Variants in MACROD2 observed in about 807,000 individuals in gnomAD.
MACROD2 encodes the protein mono-ADP ribosylhydrolase 2.
Under a neutral mutation model 70.4 loss-of-function variants are expected in MACROD2, and 36 were observed. The ratio of observed to expected loss-of-function variants is 0.51; its 90% CI spans 0.39 to 0.68. The LOEUF (loss-of-function observed/expected upper bound fraction) is 0.68. Ranked by LOEUF, MACROD2 falls within the 30% of genes least tolerant of loss-of-function variation. MACROD2 has a pLI of 0.00. For synonymous variants in MACROD2, 172 were observed against 178.8 expected, an observed-to-expected ratio of 0.96 and a Z score of 0.30; for missense variants, 496 against 538.4, an observed-to-expected ratio of 0.92 and a Z score of 0.78.
At chr20:14,230,668 CCTATATA>C in intron 3 of MACROD2, among the ~76,000 whole-genome samples, 1 of 6,958 alleles carries the variant, frequency 1.4e-4, no homozygotes, top group Non-Finnish European at 2.7e-4. Flanking sequence ...ACAGGCTGGG[CCTATATA>C]TATATATATA....
At chr20:15,450,928 T>G (rs779692078) in intron 7 of MACROD2, among the ~76,000 whole-genome samples, 4 of 152,100 alleles carry the variant, frequency 2.6e-5, no homozygotes, top group African/African-American at 4.8e-5. Context: ...TCCATCTCAC[T>G]CAGATTTGGA....
At chr20:14,595,199 G>A (rs1982041802) in intron 4 of MACROD2, among the ~76,000 whole-genome samples, 1 of 152,092 alleles carries the variant, frequency 6.6e-6, no homozygotes, top group Non-Finnish European at 1.5e-5. Flanking sequence ...CCTTAGTTCA[G>A]CTAAAAGCCC....
At chr20:14,637,724 C>T (rs569305324) in intron 4 of MACROD2, among the ~76,000 whole-genome samples, 1 of 152,298 alleles carries the variant, frequency 6.6e-6, no homozygotes, top group Non-Finnish European at 1.5e-5. Flanking sequence ...TGCTCAAACC[C>T]ACTGAGGTGA....
At chr20:15,570,740 T>G (rs1350391019) in intron 8 of MACROD2, among the ~76,000 whole-genome samples, 1 of 152,182 alleles carries the variant, frequency 6.6e-6, no homozygotes, top group Non-Finnish European at 1.5e-5. Context: ...CTTTCTTGCA[T>G]CCTCAAAAAT....
chr20:14,675,805 T>A (rs965967609), intron 4 of MACROD2, among the ~76,000 whole-genome samples: 3 of 152,034 alleles, frequency 2.0e-5, no homozygotes, highest in Middle Eastern at 3.4e-3. Flanking sequence ...AGGAGACCCA[T>A]CTCATGTGCA....
chr20:14,278,156 G>C (rs1468688901), intron 3 of MACROD2, among the ~76,000 whole-genome samples: 1 of 152,200 alleles, frequency 6.6e-6, no homozygotes, highest in African/African-American at 2.4e-5. Flanking sequence ...TTTATTAGCT[G>C]CTTGTTTACT....
intron 5 of MACROD2, among the ~76,000 whole-genome samples, chr20:15,126,811 GAATTAACTTGTA>G (rs1316071008): frequency 6.6e-6 from 1 of 152,028 alleles, no homozygotes; most frequent in Non-Finnish European, 1.5e-5. Flanking sequence ...GGACTTCTGT[GAATTAACTTGTA>G]AAATAAAAGG....
intron 4 of MACROD2, among the ~76,000 whole-genome samples, chr20:14,600,170 T>C (rs1337019548): frequency 6.6e-6 from 1 of 152,082 alleles, no homozygotes; most frequent in Non-Finnish European, 1.5e-5. Flanking sequence ...AAACTGGATG[T>C]GACTAATCGG....
At chr20:15,807,064 C>T (rs369956546) in intron 8 of MACROD2, among the ~76,000 whole-genome samples, 5 of 152,082 alleles carry the variant, frequency 3.3e-5, no homozygotes, top group Non-Finnish European at 4.4e-5. Flanking sequence ...TTTAATATTC[C>T]GTCCATACAA....
intron 3 of MACROD2, among the ~76,000 whole-genome samples, chr20:14,422,652 T>C (rs983848497): frequency 3.3e-5 from 5 of 152,202 alleles, no homozygotes; most frequent in African/African-American, 1.2e-4. Context: ...TGGATACTAG[T>C]TAAACTTTGG....
chr20:14,938,431 C>A (rs538255438), intron 5 of MACROD2, among the ~76,000 whole-genome samples: 2 of 152,108 alleles, frequency 1.3e-5, no homozygotes, highest in African/African-American at 4.8e-5. Context: ...ATTTTTATTT[C>A]TCTGATGATT....
At chr20:14,135,636 A>T (rs1601263064) in intron 3 of MACROD2, among the ~76,000 whole-genome samples, 1 of 152,196 alleles carries the variant, frequency 6.6e-6, no homozygotes, top group Admixed American at 6.5e-5. Flanking sequence ...TGATTGCATC[A>T]CTACACTCCA....
At chr20:15,564,599 A>G (rs1215141018) in intron 8 of MACROD2, among the ~76,000 whole-genome samples, 3 of 152,206 alleles carry the variant, frequency 2.0e-5, no homozygotes, top group Non-Finnish European at 2.9e-5. Context: ...AGACTAACAC[A>G]TAAGGAATGC....
chr20:15,435,163 A>T (rs184659677), intron 7 of MACROD2, among the ~76,000 whole-genome samples: 184 of 152,264 alleles, frequency 1.2e-3, no homozygotes, highest in Admixed American at 2.9e-3. Context: ...TACCCCCAAA[A>T]ATGTTGAAAT....
chr20:14,382,527 G>A (rs1007891526), intron 3 of MACROD2, among the ~76,000 whole-genome samples: 2 of 151,938 alleles, frequency 1.3e-5, no homozygotes, highest in African/African-American at 4.8e-5. Context: ...AATTAGCGGG[G>A]CGTGGTGGTT....
chr20:14,046,903 T>A (rs1601155565), intron 2 of MACROD2, among the ~76,000 whole-genome samples: 1 of 152,042 alleles, frequency 6.6e-6, no homozygotes, highest in Non-Finnish European at 1.5e-5. Flanking sequence ...AAACTTGAAG[T>A]CATCTTAAGC....
intron 8 of MACROD2, among the ~76,000 whole-genome samples, chr20:15,651,707 T>C (rs906113423): frequency 6.6e-6 from 1 of 152,186 alleles, no homozygotes; most frequent in Non-Finnish European, 1.5e-5. Context: ...CTGAGGCTTC[T>C]TCCAGGCACC....
chr20:15,134,055 C>T (rs1264191317), intron 5 of MACROD2, among the ~76,000 whole-genome samples: 9 of 149,876 alleles, frequency 6.0e-5, no homozygotes, highest in African/African-American at 9.7e-5. Flanking sequence ...TACAGGTGCC[C>T]GCCACCTCAC....
At chr20:14,026,512 T>A (rs1014240782) in intron 2 of MACROD2, among the ~76,000 whole-genome samples, 1 of 152,248 alleles carries the variant, frequency 6.6e-6, no homozygotes, top group Non-Finnish European at 1.5e-5. Context: ...TAGTGCTTCC[T>A]TCAGGAGTTC....
Sources: allele counts gnomAD v4.1 joint callset (sites outside exome capture counted in the v4.1 genomes callset), GRCh38; gene constraint gnomAD v4.1.1; transcripts MANE v1.5; gene names NCBI Gene and HGNC (gene_info 2026-07-23, HGNC 2026-07-21).